DUS1L: variants seen among roughly 807,000 people sequenced by gnomAD.
DUS1L encodes the protein tRNA-dihydrouridine(16/17) synthase [NAD(P)(+)]-like.
DUS1L carries 56 observed loss-of-function variants against 61.2 expected under a neutral mutation model. That is an observed-to-expected ratio of 0.92 (90% CI 0.74 to 1.14). The LOEUF is 1.14. DUS1L is among the 50% of genes most tolerant of loss of function. DUS1L has a pLI of 0.00. For synonymous variants in DUS1L, 278 were observed against 259.5 expected, an observed-to-expected ratio of 1.07 and a Z score of -0.69; for missense variants, 630 against 632.4, an observed-to-expected ratio of 1.00 and a Z score of 0.04.
In DUS1L at chr17:82,062,969, C is replaced by T. The variant is rs1311896577; in HGVS notation, c.402G>A (p.Leu134=). The change falls in exon 5 of 14, where the codon TTG becomes TTA. Residue 134 remains leucine, a synonymous_variant. Transcript: ENST00000306796. ...DEWDLLQRMI[L]LAHEKLSVPV... ...GAACAGAGAGTTTCTCGTGGGCCAG[C>T]AAAACTGGGGAGAAGAGAGGCAGCT... is the stretch of plus-strand genomic sequence containing the variant. The T allele has an allele frequency of 1.2e-6, 2 of 1,612,510 alleles. No individual in the cohort carries two copies.
At chr17:82,059,017 C>T (rs1470253015) in intron 11 of DUS1L, 199 bp from the exon 12 acceptor site, 3 of 597,688 alleles carry the variant, frequency 5.0e-6, no homozygotes, top group Non-Finnish European at 9.0e-6. Flanking sequence ...TGAGGGGATG[C>T]AGGGGGCACC....
rs753301871 is a variant in DUS1L, at chr17:82,061,755, C to T, written c.594-34G>A. 37 of 1,608,990 alleles carry T rather than the reference C, an allele frequency of 2.3e-5. 2 individuals carry two copies. In the South Asian group the frequency reaches 2.5e-4, roughly 11 times the overall value. On this transcript the variant is annotated intron_variant, in intron 6 of 13. Coordinates refer to ENST00000306796, the MANE Select transcript of DUS1L (RefSeq NM_022156.5). Reference sequence around the variant, plus strand: ...AGAGAAATGCCTGTTTCCACCCGCCCGGAACAGCACCCAGGTGATGCTGCC... The same window carrying T: ...AGAGAAATGCCTGTTTCCACCCGCCTGGAACAGCACCCAGGTGATGCTGCC...
Sources: allele counts gnomAD v4.1 joint callset, GRCh38; gene constraint gnomAD v4.1.1; transcripts MANE v1.5; gene names NCBI Gene and HGNC (gene_info 2026-07-23, HGNC 2026-07-21).